UGT1A6: variants seen among roughly 807,000 people sequenced by gnomAD.
UGT1A6 encodes the protein UDP-glucuronosyltransferase 1A6.
Under a neutral mutation model 44.4 loss-of-function variants are expected in UGT1A6, and 32 were observed. The ratio of observed to expected loss-of-function variants is 0.72; its 90% CI spans 0.54 to 0.97. UGT1A6 has a LOEUF of 0.97. UGT1A6 is among the 50% of genes least tolerant of loss of function. UGT1A6 has a pLI of 0.00. For synonymous variants in UGT1A6, 238 were observed against 248.5 expected (o/e 0.96, Z 0.40); for missense variants, 685 against 661.9 (o/e 1.03, Z -0.38).
At chr2:233,751,329 G>A (rs1694703475) in intron 1 of UGT1A6, among the ~76,000 whole-genome samples, 1 of 151,722 alleles carries the variant, frequency 6.6e-6, no homozygotes, top group Non-Finnish European at 1.5e-5. Flanking sequence ...CCCCCATTGT[G>A]TCTTGGAAGT....
At chr2:233,725,956 A>C (rs1405968247) in intron 1 of UGT1A6, among the ~76,000 whole-genome samples, 2 of 152,278 alleles carry the variant, frequency 1.3e-5, no homozygotes, top group East Asian at 3.9e-4. Flanking sequence ...GTTTGAGCCC[A>C]GGAGTCTGAG....
chr2:233,712,815 C>G (rs2076256798), intron 1 of UGT1A6, among the ~76,000 whole-genome samples: 1 of 152,128 alleles, frequency 6.6e-6, no homozygotes, highest in Admixed American at 6.5e-5. Context: ...AGGGTGGGGC[C>G]CATAATGCAA....
chr2:233,713,567 C>A (rs1231652913), intron 1 of UGT1A6: 9 of 1,613,854 alleles, frequency 5.6e-6, no homozygotes, highest in Non-Finnish European at 7.6e-6. Flanking sequence ...ACCCTTCCTC[C>A]TATATTCCTA....
chr2:233,754,858 C>T lies in UGT1A6; in HGVS notation c.862-12176C>T, dbSNP rs759970086. 1.3e-5 allele frequency: 18 copies of T among 1,350,050 alleles called. No individual in the cohort carries two copies. In the African/African-American group the frequency reaches 2.1e-4, roughly 16 times the overall value. The allele number at this position is 1,350,050 out of a possible 1,614,324, so 83.6% of individuals were successfully genotyped here. ...TCACTGAAGGCAGAGAAAAGGGGTG[C>T]AGACCCTCTGCTTCTGCTTCCCAGG... On this transcript the variant is annotated intron_variant, in intron 1 of 4. Coordinates refer to ENST00000305139, the MANE Select transcript of UGT1A6 (RefSeq NM_001072.4).
chr2:233,763,322 A>T (rs767434078), intron 1 of UGT1A6, among the ~76,000 whole-genome samples: 4 of 152,108 alleles, frequency 2.6e-5, no homozygotes, highest in Non-Finnish European at 5.9e-5. Context: ...CTTCTGTATT[A>T]TTTTTGTTTA....
At chr2:233,703,200 C>A (rs1199767775) in intron 1 of UGT1A6, among the ~76,000 whole-genome samples, 1 of 152,068 alleles carries the variant, frequency 6.6e-6, no homozygotes, top group African/African-American at 2.4e-5. Context: ...AGGAATTTGT[C>A]AATTTTATCT....
At chr2:233,768,049 C>A in intron 3 of UGT1A6, 113 bp downstream of exon 3, 1 of 1,606,778 alleles carries the variant, frequency 6.2e-7, no homozygotes, top group Non-Finnish European at 8.5e-7. Flanking sequence ...GCCAACATAT[C>A]CTACATTGCT....
chr2:233,754,969 T>G (rs1369050195), intron 1 of UGT1A6: 1 of 1,302,528 alleles, frequency 7.7e-7, no homozygotes, highest in East Asian at 4.6e-5. Flanking sequence ...AAGAACTCCC[T>G]GAAGACCTCG....
chr2:233,704,065 A>T (rs912280435), intron 1 of UGT1A6, among the ~76,000 whole-genome samples: 4 of 151,732 alleles, frequency 2.6e-5, no homozygotes, highest in Non-Finnish European at 5.9e-5. Flanking sequence ...TAATTTTTGT[A>T]TTTTTTATAG....
Position 233,706,266 on chromosome 2 carries a change from C to T in UGT1A6, c.861+12401C>T, listed in dbSNP as rs377506565. Among the ~76,000 whole-genome samples, 11 of 152,174 alleles carry T rather than the reference C, an allele frequency of 7.2e-5. No homozygotes were observed. In the East Asian group the frequency reaches 9.6e-4, roughly 13 times the overall value. ...GAGAGAACCAGGGCAGCTGGATTGC[C>T]CAACCTCAGGGGTGGGGCCCAGTGC... On this transcript the variant is annotated intron_variant, in intron 1 of 4. Coordinates refer to ENST00000305139, the MANE Select transcript of UGT1A6 (RefSeq NM_001072.4).
chr2:233,709,781 G>A (rs2076092056), intron 1 of UGT1A6, among the ~76,000 whole-genome samples: 1 of 152,082 alleles, frequency 6.6e-6, no homozygotes, highest in South Asian at 2.1e-4. Flanking sequence ...GCAATAAAGT[G>A]CACCGTTTTA....
intron 1 of UGT1A6, chr2:233,713,347 A>G (rs749851918): frequency 1.2e-6 from 2 of 1,614,196 alleles, no homozygotes; most frequent in East Asian, 2.2e-5. Context: ...ATTATGAACA[A>G]TATGTCTTTG....
chr2:233,719,375 A>G, intron 1 of UGT1A6: 1 of 1,613,982 alleles, frequency 6.2e-7, no homozygotes, highest in Non-Finnish European at 8.5e-7. Context: ...TTAAGGGCAC[A>G]CAGTGTCCAA....
intron 1 of UGT1A6, chr2:233,754,643 CTCAA>C (rs886471187): frequency 6.7e-6 from 3 of 449,160 alleles, no homozygotes; most frequent in Non-Finnish European, 8.9e-6. Context: ...CTTGGCCATT[CTCAA>C]TGATTCTCTT....
intron 1 of UGT1A6, among the ~76,000 whole-genome samples, chr2:233,728,905 G>C (rs1331259486): frequency 6.6e-6 from 1 of 150,586 alleles, no homozygotes; most frequent in Admixed American, 6.6e-5. Flanking sequence ...AGGGTCAGAC[G>C]TGTTTTTCAA....
At chr2:233,730,078 T>C (rs1454977100) in intron 1 of UGT1A6, 3 of 1,605,302 alleles carry the variant, frequency 1.9e-6, no homozygotes, top group East Asian at 2.3e-5. Flanking sequence ...GCTTCCATAT[T>C]TACTTATCTT....
intron 1 of UGT1A6, chr2:233,712,849 T>C: frequency 3.9e-6 from 6 of 1,533,168 alleles, no homozygotes; most frequent in Non-Finnish European, 5.3e-6. Flanking sequence ...TAACGGGTAA[T>C]AAGTAACTGG....
chr2:233,721,696 T>C (rs1281841318), intron 1 of UGT1A6: 6 of 355,902 alleles, frequency 1.7e-5, no homozygotes, highest in Non-Finnish European at 2.8e-5. Flanking sequence ...GCAAGACGCA[T>C]GGCTCATCTT....
intron 1 of UGT1A6, among the ~76,000 whole-genome samples, chr2:233,758,252 T>G (rs1696828671): frequency 6.6e-6 from 1 of 152,196 alleles, no homozygotes; most frequent in African/African-American, 2.4e-5. Context: ...ACTATTCAGA[T>G]TAGTAAGTAT....
Sources: gnomAD v4.1 joint callset for allele counts (sites outside exome capture counted in the v4.1 genomes callset) on GRCh38, gnomAD v4.1.1 for gene constraint, MANE v1.5 for transcripts, NCBI Gene and HGNC (gene_info 2026-07-23, HGNC 2026-07-21) for gene names.